TIFAB: variants seen among roughly 807,000 people sequenced by gnomAD.
TIFAB encodes the protein TRAF-interacting protein with FHA domain-containing protein B.
For missense variants in TIFAB, 222 were observed against 203.6 expected (o/e 1.09, Z -0.55); for synonymous variants, 116 against 95.2 (o/e 1.22, Z -1.27).
Position 135,447,175 on chromosome 5 carries a change from C to T in TIFAB, c.*2279G>A, listed in dbSNP as rs983554168. 6.3e-6 allele frequency: 10 copies of T among 1,598,702 alleles called. No individual in the cohort carries two copies. Among genetic ancestry groups the T allele is most frequent in the Non-Finnish European group, 6.0e-6 (7 of 1,168,868 alleles). The stretch of plus-strand genomic sequence containing the variant: ...TTTCATCAGACCAAAATACATGTGG[C>T]TTCTTCTCCTTGCCAGCCCTACCAG... On this transcript the variant is annotated 3_prime_UTR_variant, in exon 2 of 2. Transcript: ENST00000537858.
In TIFAB at chr5:135,446,798, G is replaced by T. The variant is rs373679643; in HGVS notation, c.*2656C>A. 2 of 1,613,884 alleles carry T rather than the reference G, an allele frequency of 1.2e-6. No individual in the cohort carries two copies. Among genetic ancestry groups the T allele is most frequent in the Admixed American group, 1.7e-5 (1 of 60,022 alleles). Reference sequence around the variant, plus strand: ...TTCATCCTGGGTCCCTGAGGGCCTCGCAGATGCTTCACTCGAAAGATTGGA... The same window carrying T: ...TTCATCCTGGGTCCCTGAGGGCCTCTCAGATGCTTCACTCGAAAGATTGGA... On this transcript the variant is annotated 3_prime_UTR_variant, in exon 2 of 2. Coordinates refer to ENST00000537858, the MANE Select transcript of TIFAB (RefSeq NM_001099221.2).
Position 135,449,709 on chromosome 5 carries a change from G to A in TIFAB, c.231C>T (p.Ala77=). 6.2e-7 allele frequency: 1 copy of A among 1,614,102 alleles called. No homozygotes were observed. The change falls in exon 2 of 2, where the codon GCC becomes GCT. Residue 77 remains alanine (A), a synonymous_variant. Transcript: ENST00000537858. ...CCCACACACAGCCCTTGCGGCTCAGGGCCTTGAGGCAGAAGGCCAGCAGGG... is the reference window on the plus strand; with the variant it reads ...CCCACACACAGCCCTTGCGGCTCAGAGCCTTGAGGCAGAAGGCCAGCAGGG... The part of the protein sequence containing the change: ...GSALLAFCLK[A]LSRKGCVWVN...
rs1580654361 is a variant in TIFAB, at chr5:135,446,472, T to C, written c.*2982A>G. The C allele has an allele frequency of 6.2e-7, 1 of 1,613,618 alleles. No homozygotes were observed. ...CGCCTGCTCTGGCTGTCTGAGCAGG[T>C]GAGGGATAGTGATATCAAGTGCGAA... On this transcript the variant is annotated 3_prime_UTR_variant, in exon 2 of 2. Transcript: ENST00000537858.
chr5:135,445,809 T>C lies in TIFAB; in HGVS notation c.*3645A>G. On this transcript the variant is annotated 3_prime_UTR_variant, in exon 2 of 2. Transcript: ENST00000537858. Reference sequence around the variant, plus strand: ...GCTGTTTATGGAGCATTTGCAAGTCTCCCTCGAGGGGAGCCCGTGTCTCTC... The same window carrying C: ...GCTGTTTATGGAGCATTTGCAAGTCCCCCTCGAGGGGAGCCCGTGTCTCTC... 1 of 152,908 alleles carries C rather than the reference T, an allele frequency of 6.5e-6. No homozygotes were observed. Among genetic ancestry groups the C allele is most frequent in the Non-Finnish European group, 1.5e-5 (1 of 68,598 alleles). 9.5% of individuals were successfully genotyped at this position (152,908 alleles called of 1,614,324 possible). A position where few individuals can be genotyped will look rare whatever the true frequency, so the allele number is the denominator to read the frequency against.
chr5:135,451,643 C>A (rs1206480672), intron 1 of TIFAB, among the ~76,000 whole-genome samples: 1 of 152,110 alleles, frequency 6.6e-6, no homozygotes, highest in East Asian at 1.9e-4. Context: ...GCCACCATGC[C>A]CAGCTAATTT....
At position 135,449,698 on chromosome 5, in the gene TIFAB, T is replaced by G. The variant is rs919089584; in HGVS notation, c.242A>C (p.Lys81Thr). 6.2e-7 allele frequency: 1 copy of G among 1,614,108 alleles called. No homozygotes were observed. The highest frequency in any genetic ancestry group is 8.5e-7 in the Non-Finnish European group (1 of 1,180,044). ...LAFCLKALSR[K>T]GCVWVNGLTL... ...CAGCCCATTGACCCACACACAGCCC[T>G]TGCGGCTCAGGGCCTTGAGGCAGAA... The change falls in exon 2 of 2, where the codon AAG becomes ACG. Residue 81 changes from lysine to threonine, a missense_variant. By Grantham distance (78) the Lys-to-Thr change is moderately conservative. Coordinates refer to ENST00000537858, the MANE Select transcript of TIFAB (RefSeq NM_001099221.2).
rs1769295214 is a variant in TIFAB, at chr5:135,447,630, C to G, written c.*1824G>C. ...TGTTGGGCAAGATATGTAACCTTTC[C>G]AAGTCTCAGTTTCCTTATCTGTTAA... is the stretch of plus-strand genomic sequence containing the variant. On this transcript the variant is annotated 3_prime_UTR_variant, in exon 2 of 2. Transcript: ENST00000537858. 2.4e-5 allele frequency: 4 copies of G among 164,088 alleles called. No homozygotes were observed. The South Asian group carries it at 6.1e-4, about 25-fold the overall frequency. The allele number at this position is 164,088 out of a possible 1,614,324, so 10.2% of individuals were successfully genotyped here.
In TIFAB at chr5:135,446,871, C is replaced by T. The variant is rs756463444; in HGVS notation, c.*2583G>A. The T allele has an allele frequency of 6.2e-7, 1 of 1,613,802 alleles. No homozygotes were observed. On this transcript the variant is annotated 3_prime_UTR_variant, in exon 2 of 2. Coordinates refer to ENST00000537858, the MANE Select transcript of TIFAB (RefSeq NM_001099221.2). ...AATTGAACTGCCCCCTCTCGCAGGACCCCAGCTGGCAAGGTTTTGTTCCTC... is the reference window on the plus strand; with the variant it reads ...AATTGAACTGCCCCCTCTCGCAGGATCCCAGCTGGCAAGGTTTTGTTCCTC...
chr5:135,449,489 T>C lies in TIFAB; in HGVS notation c.451A>G (p.Ile151Val), dbSNP rs1178009785. The C allele has an allele frequency of 1.2e-6, 2 of 1,614,024 alleles. No individual in the cohort carries two copies. Among genetic ancestry groups the C allele is most frequent in the Non-Finnish European group, 8.5e-7 (1 of 1,180,038 alleles). ...CCAGGGGGAGGCTGCCCCTGGGAGA[T>C]GCCTTCCCATTCGTCAGTTTCCTCA... ...EAEETDEWEGISQGQPPPGSG is the reference protein window; with the variant it reads ...EAEETDEWEGVSQGQPPPGSG The change falls in exon 2 of 2, where the codon ATC (isoleucine) becomes GTC (valine). Residue 151 changes from isoleucine (I) to valine (V), a missense_variant. Transcript: ENST00000537858.
Position 135,449,537 on chromosome 5 carries a change from G to T in TIFAB, c.403C>A (p.Pro135Thr), listed in dbSNP as rs1769329044. The T allele has an allele frequency of 1.2e-6, 2 of 1,614,224 alleles. No individual in the cohort carries two copies. The highest frequency in any genetic ancestry group is 1.7e-6 in the Non-Finnish European group (2 of 1,180,042). The change falls in exon 2 of 2, where the codon CCC becomes ACC. Residue 135 changes from proline to threonine, a missense_variant. By Grantham distance (38) the Pro-to-Thr change is conservative. Transcript: ENST00000537858. ...FVCYFHVSPS[P>T]LIYRPEAEET... Reference sequence around the variant, plus strand: ...TCAGCCTCAGGTCTGTAAATCAGGGGTGAAGGGCTGACATGGAAATAGCAG... The same window carrying T: ...TCAGCCTCAGGTCTGTAAATCAGGGTTGAAGGGCTGACATGGAAATAGCAG...
chr5:135,452,317 C>T lies in TIFAB; in HGVS notation c.-119G>A, dbSNP rs1481869343. 3 of 152,234 alleles carry T rather than the reference C, an allele frequency of 2.0e-5. No individual in the cohort carries two copies. Among genetic ancestry groups the T allele is most frequent in the African/African-American group, 4.8e-5 (2 of 41,458 alleles). 9.4% of individuals were successfully genotyped at this position (152,234 alleles called of 1,614,324 possible). ...GGCTCCTATGGCTGCAGTTCAGGAACGTGGCAGAACATACTTCAGTTTTGT... is the reference window on the plus strand; with the variant it reads ...GGCTCCTATGGCTGCAGTTCAGGAATGTGGCAGAACATACTTCAGTTTTGT... On this transcript the variant is annotated 5_prime_UTR_variant, in exon 1 of 2. Coordinates refer to ENST00000537858, the MANE Select transcript of TIFAB (RefSeq NM_001099221.2).
Position 135,449,866 on chromosome 5 carries a change from ACATTG to A in TIFAB, c.69_73del (p.Asn24ProfsTer7). The A allele has an allele frequency of 6.3e-7, 1 of 1,583,622 alleles. No individual in the cohort carries two copies. Among genetic ancestry groups the A allele is most frequent in the Non-Finnish European group, 8.6e-7 (1 of 1,162,518 alleles). ...GGTATCATGCTGCAGCCGTGGTGGG[ACATTG>A]GCAAAGGCAGATGGGCCCAGCGTGG... On this transcript the variant is annotated frameshift_variant, in exon 2 of 2. Transcript: ENST00000537858. LOFTEE classifies it low-confidence loss of function (END_TRUNC).
At position 135,449,599 on chromosome 5, in the gene TIFAB, A is replaced by T. The variant is rs866595965; in HGVS notation, c.341T>A (p.Val114Asp). 1 of 1,614,194 alleles carries T rather than the reference A, an allele frequency of 6.2e-7. No homozygotes were observed. The highest frequency in any genetic ancestry group is 8.5e-7 in the Non-Finnish European group (1 of 1,180,038). ...CAGGGATGTGCCTTCTTCTACGCGA[A>T]CCAGCATCTGGATGCCTGAGAAGGA... ...RVSFSGIQML[V>D]RVEEGTSLEA... is the part of the protein sequence containing the mutation. Residue 114 changes from valine to aspartate, a missense_variant, in exon 2 of 2, where the codon GTT becomes GAT. Physicochemically the swap from Val to Asp is radical, Grantham distance 152 (BLOSUM62 -3). Coordinates refer to ENST00000537858, the MANE Select transcript of TIFAB (RefSeq NM_001099221.2).
At chr5:135,450,595 G>T (rs10050653) in intron 1 of TIFAB, 81,938 of 152,104 alleles carry the variant, frequency 0.54, 23,034 homozygotes, top group African/African-American at 0.7. Flanking sequence ...GTTACTATGG[G>T]CACTTGCTGG....
Position 135,447,577 on chromosome 5 carries a change from C to A in TIFAB, c.*1877G>T. The A allele has an allele frequency of 5.8e-6, 1 of 173,172 alleles. No homozygotes were observed. Among genetic ancestry groups the A allele is most frequent in the Non-Finnish European group, 1.2e-5 (1 of 80,178 alleles). The allele number at this position is 173,172 out of a possible 1,614,324, so 10.7% of individuals were successfully genotyped here. ...GGCAAGAGCAGACTAAATCACTTGC[C>A]CAAATCGCATAGCTACTGATGGTGT... is the stretch of plus-strand genomic sequence containing the variant. On this transcript the variant is annotated 3_prime_UTR_variant, in exon 2 of 2. Coordinates refer to ENST00000537858, the MANE Select transcript of TIFAB (RefSeq NM_001099221.2).
chr5:135,451,183 A>G (rs549916977), intron 1 of TIFAB, among the ~76,000 whole-genome samples: 1 of 151,720 alleles, frequency 6.6e-6, no homozygotes, highest in South Asian at 2.1e-4. Context: ...TGAGAAGCCC[A>G]CACACACACA....
At position 135,446,874 on chromosome 5, in the gene TIFAB, C is replaced by T. The variant is rs768804627; in HGVS notation, c.*2580G>A. On this transcript the variant is annotated 3_prime_UTR_variant, in exon 2 of 2. Coordinates refer to ENST00000537858, the MANE Select transcript of TIFAB (RefSeq NM_001099221.2). The stretch of plus-strand genomic sequence containing the variant: ...TGAACTGCCCCCTCTCGCAGGACCC[C>T]AGCTGGCAAGGTTTTGTTCCTCCCT... The T allele has an allele frequency of 6.2e-7, 1 of 1,613,822 alleles. No individual in the cohort carries two copies. The highest frequency in any genetic ancestry group is 8.5e-7 in the Non-Finnish European group (1 of 1,179,792).
intron 1 of TIFAB, 31 bp from the exon 2 acceptor site, chr5:135,449,980 C>T: frequency 6.6e-7 from 1 of 1,512,272 alleles, no homozygotes. Context: ...CACACAGGCT[C>T]AGCTTCAGTC....
In TIFAB at chr5:135,446,476, G is replaced by A. The variant is rs764714089; in HGVS notation, c.*2978C>T. 36 of 1,614,020 alleles carry A rather than the reference G, an allele frequency of 2.2e-5. No homozygotes were observed. The highest frequency in any genetic ancestry group is 3.3e-5 in the Admixed American group (2 of 60,024). ...TGCTCTGGCTGTCTGAGCAGGTGAG[G>A]GATAGTGATATCAAGTGCGAAGACC... is the stretch of plus-strand genomic sequence containing the variant. On this transcript the variant is annotated 3_prime_UTR_variant, in exon 2 of 2. Coordinates refer to ENST00000537858, the MANE Select transcript of TIFAB (RefSeq NM_001099221.2).
Sources: gnomAD v4.1 joint callset for allele counts (sites outside exome capture counted in the v4.1 genomes callset) on GRCh38, gnomAD v4.1.1 for gene constraint, MANE v1.5 for transcripts, NCBI Gene and HGNC (gene_info 2026-07-23, HGNC 2026-07-21) for gene names.